RAB8B: variants seen among roughly 807,000 people sequenced by gnomAD.
RAB8B encodes the protein RAB8B, member RAS oncogene family.
A neutral mutation model predicts 32.0 loss-of-function variants in RAB8B; 11 were observed. The observed-to-expected ratio is 0.34, with a 90% confidence interval of 0.22 to 0.57. RAB8B has a LOEUF of 0.57. Among genes scored for constraint, RAB8B ranks in the 20% least tolerant of loss-of-function variants. The pLI is 0.86. For missense variants in RAB8B, 190 were observed against 258.5 expected (o/e 0.73, Z 1.82); for synonymous variants, 103 against 89.6 (o/e 1.15, Z -0.85).
intron 1 of RAB8B, among the ~76,000 whole-genome samples, chr15:63,200,411 A>G (rs1453494383): frequency 6.6e-6 from 1 of 152,266 alleles, no homozygotes; most frequent in Non-Finnish European, 1.5e-5. Flanking sequence ...ATCACCAGAA[A>G]GATAACTTAT....
intron 1 of RAB8B, among the ~76,000 whole-genome samples, chr15:63,194,864 A>G (rs923230521): frequency 2.0e-5 from 3 of 152,252 alleles, no homozygotes; most frequent in African/African-American, 7.2e-5. Context: ...GACCATATGT[A>G]TCCCACAAAG....
rs75433976 is a variant in RAB8B at position 63,221,287 on chromosome 15, A to G, written c.125-23469A>G. ...GATGGGTAATTGTAGAGTTACATAAACTAAAAAGGTATCCAGTATCCTGTG... is the reference window on the plus strand; with the variant it reads ...GATGGGTAATTGTAGAGTTACATAAGCTAAAAAGGTATCCAGTATCCTGTG... On this transcript the variant is annotated intron_variant, in intron 1 of 7. Transcript: ENST00000321437. 5.9e-3 allele frequency among the ~76,000 whole-genome samples: 895 copies of G among 152,342 alleles called. 8 individuals carry two copies. Among genetic ancestry groups the G allele is most frequent in the African/African-American group, 0.019 (799 of 41,576 alleles).
In RAB8B at chr15:63,248,853, C is replaced by T. The variant is rs974700919; in HGVS notation, c.186-792C>T. On this transcript the variant is annotated intron_variant, in intron 2 of 7. Transcript: ENST00000321437. This position sits in a 1 kb window ranked among gnomAD's most constrained non-coding sequence, Gnocchi z 4.4. ...CTGCAATTAAATTGTCTTAGTAGCA[C>T]AGGGAATGAATTAGTTCTGGCTGGA... 6.6e-6 allele frequency among the ~76,000 whole-genome samples: 1 copy of T among 151,988 alleles called. No homozygotes were observed. The highest frequency in any genetic ancestry group is 2.4e-5 in the African/African-American group (1 of 41,364).
In RAB8B at chr15:63,210,413, G is replaced by T. The variant is rs551620357; in HGVS notation, c.124+20665G>T. 1.8e-4 allele frequency among the ~76,000 whole-genome samples: 27 copies of T among 152,120 alleles called. No individual in the cohort carries two copies. In the South Asian group the frequency reaches 5.6e-3, roughly 32 times the overall value. Reference sequence around the variant, plus strand: ...CTCAATGAATTTCTTTTTTCTTCCTGCTTTGTCTACCTCTACTCTCTCCCC... The same window carrying T: ...CTCAATGAATTTCTTTTTTCTTCCTTCTTTGTCTACCTCTACTCTCTCCCC... On this transcript the variant is annotated intron_variant, in intron 1 of 7. Transcript: ENST00000321437.
intron 6 of RAB8B, among the ~76,000 whole-genome samples, chr15:63,261,046 T>G (rs1479206226): frequency 1.3e-5 from 2 of 152,196 alleles, no homozygotes; most frequent in African/African-American, 2.4e-5. Flanking sequence ...AGAAAAATGC[T>G]TCCCTCTGCT....
chr15:63,225,803 C>T (rs1229036111), intron 1 of RAB8B, among the ~76,000 whole-genome samples: 1 of 152,080 alleles, frequency 6.6e-6, no homozygotes, highest in African/African-American at 2.4e-5. Flanking sequence ...TTGTTTAGCT[C>T]ATTGGCAAGA....
At chr15:63,224,347 C>T (rs1292618933) in intron 1 of RAB8B, among the ~76,000 whole-genome samples, 1 of 152,126 alleles carries the variant, frequency 6.6e-6, no homozygotes, top group Non-Finnish European at 1.5e-5. Context: ...ACTGATAATA[C>T]CCCAGGTATC....
intron 1 of RAB8B, among the ~76,000 whole-genome samples, chr15:63,236,058 G>A (rs1045438391): frequency 2.0e-5 from 3 of 152,156 alleles, no homozygotes; most frequent in Admixed American, 6.6e-5. Flanking sequence ...GTGAATCTGC[G>A]TAAATTGCTG....
rs1330821675 is a variant in RAB8B at position 63,259,103 on chromosome 15, A to C, written c.415-524A>C. On this transcript the variant is annotated intron_variant, in intron 5 of 7. Coordinates refer to ENST00000321437, the MANE Select transcript of RAB8B (RefSeq NM_016530.3). The surrounding 1 kb of genome is among the most constrained non-coding windows in gnomAD (Gnocchi z 4.4). ...AAACAGAAAAAAAGAGAAGTACTTA[A>C]ATTATTATTATTATTTTATTTATTT... Among the ~76,000 whole-genome samples the C allele has an allele frequency of 6.6e-6, 1 of 151,892 alleles. No individual in the cohort carries two copies. The highest frequency in any genetic ancestry group is 2.4e-5 in the African/African-American group (1 of 41,346).
At chr15:63,257,687 G>A (rs1413896144) in intron 5 of RAB8B, among the ~76,000 whole-genome samples, 1 of 152,056 alleles carries the variant, frequency 6.6e-6, no homozygotes, top group Non-Finnish European at 1.5e-5. Context: ...ATAAGAGTTC[G>A]CAATTTGTCT....
chr15:63,219,003 G>GTTTT lies in RAB8B; in HGVS notation c.125-25753_125-25752insTTTT, dbSNP rs1567012548. On this transcript the variant is annotated intron_variant, in intron 1 of 7. Coordinates refer to ENST00000321437, the MANE Select transcript of RAB8B (RefSeq NM_016530.3). ...AAAATGATCTTTTCTTCCAGCAGTG[G>GTTTT]ATTTTTTTTTTTTTTTTTTTTTTTT... Among the ~76,000 whole-genome samples, 349 of 48,754 alleles carry GTTTT rather than the reference G, an allele frequency of 7.2e-3. 9 individuals carry two copies. Among genetic ancestry groups the GTTTT allele is most frequent in the African/African-American group, 0.017 (333 of 19,450 alleles). The allele number at this position is 48,754 out of a possible 152,430, so 32.0% of individuals were successfully genotyped here.
chr15:63,194,920 C>T (rs550521786), intron 1 of RAB8B, among the ~76,000 whole-genome samples: 9 of 152,246 alleles, frequency 5.9e-5, no homozygotes, highest in South Asian at 2.1e-4. Context: ...GTTTGCTGAC[C>T]GTTACTTAAA....
chr15:63,197,930 G>T (rs1364433479), intron 1 of RAB8B, among the ~76,000 whole-genome samples: 2 of 152,094 alleles, frequency 1.3e-5, no homozygotes, highest in Non-Finnish European at 1.5e-5. Flanking sequence ...AAATGAATAG[G>T]TAGCTATTTG....
intron 1 of RAB8B, among the ~76,000 whole-genome samples, chr15:63,218,272 C>G (rs1260188645): frequency 6.6e-6 from 1 of 152,278 alleles, no homozygotes; most frequent in Admixed American, 6.5e-5. Context: ...GGGATTAAAG[C>G]CCCCTTGCAG....
chr15:63,232,781 G>C (rs2037945893), intron 1 of RAB8B, among the ~76,000 whole-genome samples: 1 of 152,042 alleles, frequency 6.6e-6, no homozygotes, highest in Non-Finnish European at 1.5e-5. Flanking sequence ...GTTGAACAAA[G>C]CTAAAATAAA....
chr15:63,212,174 T>G (rs1343117402), intron 1 of RAB8B, among the ~76,000 whole-genome samples: 1 of 152,112 alleles, frequency 6.6e-6, no homozygotes, highest in African/African-American at 2.4e-5. Flanking sequence ...TAGTCTTTCC[T>G]CCTGAATTGA....
intron 1 of RAB8B, among the ~76,000 whole-genome samples, chr15:63,194,547 T>C (rs760333317): frequency 7.9e-5 from 12 of 152,256 alleles, no homozygotes; most frequent in Non-Finnish European, 1.6e-4. Context: ...GTGTCTATAG[T>C]TTCACATTAG....
At chr15:63,196,954 TA>T (rs1358151048) in intron 1 of RAB8B, among the ~76,000 whole-genome samples, 2 of 152,216 alleles carry the variant, frequency 1.3e-5, no homozygotes, top group Non-Finnish European at 2.9e-5. Context: ...GTTTGCATTA[TA>T]AGAGCCATTT....
At chr15:63,193,437 A>G (rs2037574806) in intron 1 of RAB8B, among the ~76,000 whole-genome samples, 1 of 152,206 alleles carries the variant, frequency 6.6e-6, no homozygotes, top group Admixed American at 6.5e-5. Context: ...TCAAGTGCCT[A>G]GGACCAACTC....
Sources: allele counts gnomAD v4.1 joint callset (sites outside exome capture counted in the v4.1 genomes callset), GRCh38; gene constraint gnomAD v4.1.1; non-coding constraint Gnocchi (gnomAD v3.1); transcripts MANE v1.5; gene names NCBI Gene and HGNC (gene_info 2026-07-23, HGNC 2026-07-21).